The following CFTR variants were observed in gnomAD, a reference collection of about 807,000 sequenced individuals.
CFTR encodes CF transmembrane conductance regulator, also known as cystic fibrosis transmembrane conductance regulator.
CFTR carries 181 observed loss-of-function variants against 171.6 expected under a neutral mutation model. The observed-to-expected ratio is 1.05, with a 90% CI of 0.93 to 1.19. The LOEUF (loss-of-function observed/expected upper bound fraction) is 1.19. Ranked by LOEUF, CFTR falls within the 50% of genes most tolerant of loss-of-function variation. The pLI is 0.00. For synonymous variants in CFTR, 583 were observed against 608.0 expected, an observed-to-expected ratio of 0.96 and a Z score of 0.60; for missense variants, 1,968 against 1,734.7, an observed-to-expected ratio of 1.13 and a Z score of -2.39.
At chr7:117,581,631 A>G (rs1037820423) in intron 11 of CFTR, among the ~76,000 whole-genome samples, 2 of 152,242 alleles carry the variant, frequency 1.3e-5, no homozygotes, top group African/African-American at 4.8e-5. Context: ...TTAGGGCCAG[A>G]AAAGACTTCC....
At chr7:117,496,356 C>T (rs1040605559) in intron 1 of CFTR, among the ~76,000 whole-genome samples, 2 of 152,086 alleles carry the variant, frequency 1.3e-5, no homozygotes, top group Non-Finnish European at 2.9e-5. Context: ...CAGGCTTGCA[C>T]CACATGACTG....
Position 117,535,495 on chromosome 7 carries a change from G to A in CFTR, c.743+84G>A. ...TTTAGTAAAACCAGGACTGCTCTAT[G>A]CATAGAACAGTGATCTTCAGTGTCA... On this transcript the variant is annotated intron_variant, in intron 6 of 26. Coordinates refer to ENST00000003084, the MANE Select transcript of CFTR (RefSeq NM_000492.4). 3 of 1,082,884 alleles carry A rather than the reference G, an allele frequency of 2.8e-6. No individual in the cohort carries two copies. The East Asian group carries it at 7.3e-5, about 26-fold the overall frequency. The allele number at this position is 1,082,884 out of a possible 1,614,324, so 67.1% of individuals were successfully genotyped here. A position where few individuals can be genotyped will look rare whatever the true frequency, so the allele number is the denominator to read the frequency against.
At chr7:117,624,232 A>G (rs746237753) in intron 21 of CFTR, among the ~76,000 whole-genome samples, 1 of 152,186 alleles carries the variant, frequency 6.6e-6, no homozygotes, top group Non-Finnish European at 1.5e-5. Context: ...ACAGAATGCC[A>G]TGATATTAGG....
Position 117,535,426 on chromosome 7 carries a change from T to C in CFTR, c.743+15T>C. Reference sequence around the variant, plus strand: ...ATGAAGTACAGGTAGCAACCTATTTTCATAACTTGAAAGTTTTAAAAATTA... The same window carrying C: ...ATGAAGTACAGGTAGCAACCTATTTCCATAACTTGAAAGTTTTAAAAATTA... On this transcript the variant is annotated intron_variant, in intron 6 of 26. Coordinates refer to ENST00000003084, the MANE Select transcript of CFTR (RefSeq NM_000492.4). 6.2e-7 allele frequency: 1 copy of C among 1,613,552 alleles called. No individual in the cohort carries two copies. The highest frequency in any genetic ancestry group is 8.5e-7 in the Non-Finnish European group (1 of 1,179,536).
At chr7:117,568,512 T>A (rs1000386771) in intron 11 of CFTR, among the ~76,000 whole-genome samples, 1 of 152,140 alleles carries the variant, frequency 6.6e-6, no homozygotes, top group East Asian at 1.9e-4. Context: ...ATGGACTTGG[T>A]CACTATTTGG....
intron 22 of CFTR, among the ~76,000 whole-genome samples, chr7:117,635,370 C>T (rs1792810209): frequency 6.6e-6 from 1 of 151,982 alleles, no homozygotes. Context: ...GCAAATAGTT[C>T]AGAGTTGTTT....
chr7:117,596,467 A>G (rs956878903), intron 15 of CFTR, among the ~76,000 whole-genome samples: 7 of 152,216 alleles, frequency 4.6e-5, no homozygotes, highest in African/African-American at 1.7e-4. Context: ...ACCCAGTCCC[A>G]TAGACCGCCC....
chr7:117,636,731 C>A lies in CFTR; in HGVS notation c.3718-5707C>A, dbSNP rs558568532. On this transcript the variant is annotated intron_variant, in intron 22 of 26. Transcript: ENST00000003084. ...ACAGAATTTTTGACCTATAGAATTT[C>A]TTTTGATTCCATCTTTGAATCTCCA... is the stretch of plus-strand genomic sequence containing the variant. 4.0e-5 allele frequency among the ~76,000 whole-genome samples: 6 copies of A among 151,826 alleles called. No individual in the cohort carries two copies. In the East Asian group the frequency reaches 9.7e-4, roughly 24 times the overall value.
At chr7:117,534,729 A>G (rs1798919971) in intron 5 of CFTR, among the ~76,000 whole-genome samples, 1 of 152,206 alleles carries the variant, frequency 6.6e-6, no homozygotes, top group Admixed American at 6.5e-5. Flanking sequence ...GGTCCTTGGG[A>G]CAGATAATGT....
chr7:117,497,609 G>A (rs912529165), intron 1 of CFTR, among the ~76,000 whole-genome samples: 1 of 152,100 alleles, frequency 6.6e-6, no homozygotes, highest in Non-Finnish European at 1.5e-5. Flanking sequence ...CTTTAGTTCA[G>A]TTTTTTTCAA....
At chr7:117,580,867 A>G (rs1791839471) in intron 11 of CFTR, among the ~76,000 whole-genome samples, 1 of 152,106 alleles carries the variant, frequency 6.6e-6, no homozygotes, top group Non-Finnish European at 1.5e-5. Flanking sequence ...ATTCAGTAGT[A>G]TGTTATTCAA....
intron 1 of CFTR, among the ~76,000 whole-genome samples, chr7:117,495,421 G>T (rs184931344): frequency 3.9e-5 from 6 of 152,132 alleles, no homozygotes; most frequent in African/African-American, 7.2e-5. Flanking sequence ...ACTTATTATT[G>T]CCTCTCAAGT....
chr7:117,624,114 T>C (rs1160468698), intron 21 of CFTR, among the ~76,000 whole-genome samples: 1 of 151,056 alleles, frequency 6.6e-6, no homozygotes, highest in African/African-American at 2.5e-5. Flanking sequence ...AAATATGACT[T>C]TACTTTTTCT....
intron 4 of CFTR, among the ~76,000 whole-genome samples, chr7:117,531,510 A>T (rs927354200): frequency 3.9e-5 from 6 of 152,192 alleles, no homozygotes; most frequent in African/African-American, 1.4e-4. Context: ...ATTGTTAATG[A>T]TAACCCAAAC....
At chr7:117,588,049 C>T (rs1216119123) in intron 12 of CFTR, among the ~76,000 whole-genome samples, 1 of 151,828 alleles carries the variant, frequency 6.6e-6, no homozygotes, top group East Asian at 1.9e-4. Flanking sequence ...AATCTGTGCC[C>T]GTATCTTGGT....
chr7:117,590,633 T>C (rs1792011904), intron 13 of CFTR, among the ~76,000 whole-genome samples, 194 bp downstream of exon 13: 1 of 152,074 alleles, frequency 6.6e-6, no homozygotes. Context: ...CATTAAAACC[T>C]TTTCTCACCG....
At chr7:117,521,372 G>A (rs1466296770) in intron 3 of CFTR, among the ~76,000 whole-genome samples, 1 of 151,886 alleles carries the variant, frequency 6.6e-6, no homozygotes, top group African/African-American at 2.4e-5. Flanking sequence ...GTTTTTTCCT[G>A]ACTCTAAATG....
chr7:117,561,200 G>A (rs753073401), intron 11 of CFTR, among the ~76,000 whole-genome samples: 1 of 152,048 alleles, frequency 6.6e-6, no homozygotes, highest in Admixed American at 6.6e-5. Flanking sequence ...TTTTTCTGAA[G>A]GGTTTATAGC....
At chr7:117,525,352 T>C (rs887671759) in intron 3 of CFTR, among the ~76,000 whole-genome samples, 3 of 143,898 alleles carry the variant, frequency 2.1e-5, no homozygotes, top group East Asian at 2.0e-4. Flanking sequence ...AAAAAATGTA[T>C]ATTCTGTTGA....
Sources: allele counts gnomAD v4.1 joint callset (sites outside exome capture counted in the v4.1 genomes callset), GRCh38; gene constraint gnomAD v4.1.1; transcripts MANE v1.5; gene names NCBI Gene and HGNC (gene_info 2026-07-23, HGNC 2026-07-21).